Variants in KCNK2 observed in about 807,000 individuals in gnomAD.
The protein encoded by KCNK2 is potassium channel subfamily K member 2.
In KCNK2, 21 loss-of-function variants were observed where a neutral mutation model predicts 40.5. The ratio of observed to expected loss-of-function variants is 0.52; its 90% confidence interval spans 0.37 to 0.75. KCNK2 has a LOEUF of 0.75. Ranked by LOEUF, KCNK2 falls within the 30% of genes least tolerant of loss-of-function variation. KCNK2 has a pLI of 0.00. For missense variants in KCNK2, 399 were observed against 531.6 expected (o/e 0.75, Z 2.45); for synonymous variants, 191 against 202.2 (o/e 0.94, Z 0.47).
chr1:215,118,544 T>C (rs1301743104), intron 2 of KCNK2, among the ~76,000 whole-genome samples: 2 of 148,302 alleles, frequency 1.3e-5, no homozygotes, highest in East Asian at 2.0e-4. Context: ...GGAAACTGGC[T>C]TCCCCCGCAA....
At chr1:215,046,610 T>C (rs1261021640) in intron 1 of KCNK2, among the ~76,000 whole-genome samples, 1 of 152,088 alleles carries the variant, frequency 6.6e-6, no homozygotes, top group Non-Finnish European at 1.5e-5. Context: ...ATCACCATAT[T>C]CATAGGTTCA....
At chr1:215,073,812 G>A (rs2102517318) in intron 1 of KCNK2, among the ~76,000 whole-genome samples, 1 of 152,276 alleles carries the variant, frequency 6.6e-6, no homozygotes, top group African/African-American at 2.4e-5. Flanking sequence ...GGCTGGACAT[G>A]GTAAGCCCTT....
At chr1:215,067,449 G>A (rs933552600) in intron 1 of KCNK2, among the ~76,000 whole-genome samples, 2 of 152,092 alleles carry the variant, frequency 1.3e-5, no homozygotes, top group African/African-American at 4.8e-5. Context: ...AGGGAAGAGG[G>A]ATATAACAAA....
chr1:215,084,885 T>G (rs1030974461), intron 1 of KCNK2, among the ~76,000 whole-genome samples: 70 of 152,232 alleles, frequency 4.6e-4, no homozygotes, highest in African/African-American at 1.7e-3. Flanking sequence ...CTTTGCTGAC[T>G]GAGGATCCTG....
At chr1:215,174,406 A>T (rs1224734544) in intron 5 of KCNK2, among the ~76,000 whole-genome samples, 2 of 152,192 alleles carry the variant, frequency 1.3e-5, no homozygotes, top group African/African-American at 4.8e-5. Context: ...AAGTAGTGTG[A>T]TGCCTCCAGC....
chr1:215,097,116 C>T (rs1167829061), intron 2 of KCNK2, among the ~76,000 whole-genome samples: 2 of 151,666 alleles, frequency 1.3e-5, no homozygotes, highest in Non-Finnish European at 2.9e-5. Context: ...AAAATCTATA[C>T]CTGCAGGTAC....
chr1:215,208,527 AAAC>A (rs892554797), intron 6 of KCNK2, among the ~76,000 whole-genome samples: 2 of 152,316 alleles, frequency 1.3e-5, no homozygotes, highest in African/African-American at 2.4e-5. Context: ...AACAAAACAA[AAAC>A]AACAAAAATG....
At chr1:215,233,948 C>CT (rs1022476553) in intron 6 of KCNK2, among the ~76,000 whole-genome samples, 3 of 152,108 alleles carry the variant, frequency 2.0e-5, no homozygotes, top group South Asian at 2.1e-4. Context: ...ATCGATGGCA[C>CT]TTTTTTTTCT....
At chr1:215,160,527 C>G (rs760932966) in intron 3 of KCNK2, among the ~76,000 whole-genome samples, 2 of 152,148 alleles carry the variant, frequency 1.3e-5, no homozygotes, top group African/African-American at 4.8e-5. Context: ...CCACTTCTGA[C>G]GTCATTGATA....
intron 3 of KCNK2, among the ~76,000 whole-genome samples, chr1:215,144,030 G>C (rs997065663): frequency 6.6e-6 from 1 of 152,086 alleles, no homozygotes; most frequent in Non-Finnish European, 1.5e-5. Flanking sequence ...TGTAAATATT[G>C]AATTAAGTAA....
chr1:215,191,722 A>G lies in KCNK2; in HGVS notation c.824-3231A>G, dbSNP rs370127319. 5.5e-4 allele frequency among the ~76,000 whole-genome samples: 84 copies of G among 152,274 alleles called. No homozygotes were observed. The South Asian group carries it at 0.017, about 32-fold the overall frequency. On this transcript the variant is annotated intron_variant, in intron 5 of 6. Transcript: ENST00000444842. ...TTGTTATTTTTATTACCATCTGTTT[A>G]CTGTCCTATTATGATTAGCCAGAAA...
At chr1:215,115,177 A>T (rs1172852917) in intron 2 of KCNK2, among the ~76,000 whole-genome samples, 1 of 152,106 alleles carries the variant, frequency 6.6e-6, no homozygotes, top group African/African-American at 2.4e-5. Context: ...TGGAAACTTG[A>T]ATAATTTTCA....
chr1:215,166,269 G>A (rs971376084), intron 3 of KCNK2, among the ~76,000 whole-genome samples: 1 of 152,064 alleles, frequency 6.6e-6, no homozygotes, highest in East Asian at 1.9e-4. Context: ...GAGTCATACC[G>A]ATGCAGAGGG....
At chr1:215,186,227 AGTG>A in intron 5 of KCNK2, among the ~76,000 whole-genome samples, 1 of 152,268 alleles carries the variant, frequency 6.6e-6, no homozygotes, top group East Asian at 1.9e-4. Flanking sequence ...TGGGCAACAT[AGTG>A]AGACTCTTGT....
chr1:215,099,495 T>G (rs1000681124), intron 2 of KCNK2, among the ~76,000 whole-genome samples: 20 of 152,004 alleles, frequency 1.3e-4, no homozygotes, highest in African/African-American at 4.8e-4. Context: ...ATTTGTGGAC[T>G]GCTAAGTTAA....
chr1:215,100,730 T>C (rs535121654), intron 2 of KCNK2, among the ~76,000 whole-genome samples: 2 of 152,134 alleles, frequency 1.3e-5, no homozygotes, highest in South Asian at 2.1e-4. Context: ...TTTCCACTTG[T>C]CGCAAACCAT....
At chr1:215,028,736 T>C (rs912814616) in intron 1 of KCNK2, among the ~76,000 whole-genome samples, 5 of 152,200 alleles carry the variant, frequency 3.3e-5, no homozygotes, top group African/African-American at 9.6e-5. Flanking sequence ...ATGTGACTTA[T>C]ATCTCATTAA....
chr1:215,028,629 A>G (rs1462311809), intron 1 of KCNK2, among the ~76,000 whole-genome samples: 1 of 152,140 alleles, frequency 6.6e-6, no homozygotes, highest in Non-Finnish European at 1.5e-5. Context: ...AAAGCTATGC[A>G]TATTTCTTTG....
In KCNK2 at chr1:215,064,512, C is replaced by T. The variant is rs114360980; in HGVS notation, c.35-21856C>T. 7.3e-3 allele frequency among the ~76,000 whole-genome samples: 1,113 copies of T among 152,270 alleles called. 13 individuals carry two copies. The highest frequency in any genetic ancestry group is 0.025 in the African/African-American group (1,043 of 41,540). On this transcript the variant is annotated intron_variant, in intron 1 of 6. Coordinates refer to the KCNK2 transcript ENST00000391895. ...CAGTATCCACTGCCTAGATTTTGCACGAGGCACCATTGGCTTCCCTGGGTG... is the reference window on the plus strand; with the variant it reads ...CAGTATCCACTGCCTAGATTTTGCATGAGGCACCATTGGCTTCCCTGGGTG...
Sources: allele counts gnomAD v4.1 joint callset (sites outside exome capture counted in the v4.1 genomes callset), GRCh38; gene constraint gnomAD v4.1.1; transcripts MANE v1.5; gene names NCBI Gene and HGNC (gene_info 2026-07-23, HGNC 2026-07-21).